The following SLC25A48 variants were observed in gnomAD, a reference collection of about 807,000 sequenced individuals.
SLC25A48 encodes CTC-321K16.1.
Under a neutral mutation model 32.2 loss-of-function variants are expected in SLC25A48, and 29 were observed. The observed-to-expected ratio is 0.90, with a 90% CI of 0.67 to 1.23. SLC25A48 has a LOEUF of 1.23. Among genes scored for constraint, SLC25A48 ranks in the 50% most tolerant of loss-of-function variants. SLC25A48 has a pLI of 0.00. For synonymous variants in SLC25A48, 164 were observed against 172.3 expected (o/e 0.95, Z 0.38); for missense variants, 399 against 422.7 (o/e 0.94, Z 0.49).
intron 3 of SLC25A48, among the ~76,000 whole-genome samples, chr5:135,744,627 G>T (rs990261183): frequency 2.6e-5 from 4 of 151,796 alleles, no homozygotes; most frequent in Non-Finnish European, 5.9e-5. Flanking sequence ...GTGAGCCACC[G>T]CACTTGGCCT....
In SLC25A48 at chr5:135,672,982, G is replaced by A. The variant is rs926767196; in HGVS notation, c.-521+38026G>A. ...AATTTTTAATAAATGAGATCATACA[G>A]TATATATATTTATTTATCTGGCTTC... On this transcript the variant is annotated intron_variant, in intron 3 of 10. Coordinates refer to the SLC25A48 transcript ENST00000646290. 2.0e-5 allele frequency among the ~76,000 whole-genome samples: 3 copies of A among 152,146 alleles called. No homozygotes were observed. The South Asian group carries it at 6.2e-4, about 32-fold the overall frequency.
intron 3 of SLC25A48, among the ~76,000 whole-genome samples, chr5:135,645,112 A>G (rs1752929267): frequency 6.6e-6 from 1 of 152,220 alleles, no homozygotes; most frequent in African/African-American, 2.4e-5. Flanking sequence ...CTCTCAGCCA[A>G]TTAAATGGCG....
intron 1 of SLC25A48, among the ~76,000 whole-genome samples, chr5:135,613,543 T>A (rs1752120725): frequency 6.6e-6 from 1 of 152,188 alleles, no homozygotes; most frequent in African/African-American, 2.4e-5. Context: ...TTTCTTCCAG[T>A]GGTATTATAG....
chr5:135,746,801 T>A (rs961045549), intron 3 of SLC25A48, among the ~76,000 whole-genome samples: 1 of 152,172 alleles, frequency 6.6e-6, no homozygotes, highest in African/African-American at 2.4e-5. Flanking sequence ...CTAGATTCAC[T>A]CATTGCCTGG....
At chr5:135,627,078 T>G (rs1224442843) in intron 1 of SLC25A48, among the ~76,000 whole-genome samples, 3 of 151,428 alleles carry the variant, frequency 2.0e-5, no homozygotes, top group Non-Finnish European at 4.4e-5. Flanking sequence ...GGGAGGGAGG[T>G]GCTTATTGTG....
intron 1 of SLC25A48, among the ~76,000 whole-genome samples, chr5:135,624,853 G>A (rs1033309084): frequency 2.0e-5 from 3 of 152,212 alleles, no homozygotes; most frequent in Non-Finnish European, 2.9e-5. Context: ...CAACAGATCC[G>A]ATTTGTGGAA....
intron 1 of SLC25A48, among the ~76,000 whole-genome samples, chr5:135,617,906 G>A (rs1306493713): frequency 6.6e-6 from 1 of 151,872 alleles, no homozygotes; most frequent in African/African-American, 2.4e-5. Context: ...CTGATGAGGA[G>A]AATGTTCTTT....
At chr5:135,753,658 C>T (rs1314958769) in intron 3 of SLC25A48, among the ~76,000 whole-genome samples, 6 of 151,748 alleles carry the variant, frequency 4.0e-5, no homozygotes, top group Non-Finnish European at 8.8e-5. Context: ...AGTCATATCT[C>T]GAGGATATTA....
intron 3 of SLC25A48, among the ~76,000 whole-genome samples, chr5:135,681,824 C>T (rs1012030558): frequency 3.9e-5 from 6 of 152,134 alleles, no homozygotes; most frequent in Non-Finnish European, 5.9e-5. Context: ...AGGCAATGCC[C>T]TCTGAATGTG....
chr5:135,682,063 T>C (rs536011082), intron 3 of SLC25A48, among the ~76,000 whole-genome samples: 15 of 152,344 alleles, frequency 9.8e-5, no homozygotes, highest in African/African-American at 3.6e-4. Flanking sequence ...TTCTCTCCTC[T>C]CTGGTACTCT....
At chr5:135,833,723 G>A (rs1758296205), upstream of SLC25A48, among the ~76,000 whole-genome samples, 1 of 152,196 alleles carries the variant, frequency 6.6e-6, no homozygotes. Context: ...GGCAGGGGAG[G>A]GAGTGATGCT....
At chr5:135,655,910 T>A (rs1753235155) in intron 3 of SLC25A48, among the ~76,000 whole-genome samples, 1 of 152,050 alleles carries the variant, frequency 6.6e-6, no homozygotes, top group Non-Finnish European at 1.5e-5. Flanking sequence ...GGGAGGGGGG[T>A]CTGGAGCAAT....
chr5:135,829,462 G>C (rs1292551534), intron 4 of SLC25A48, among the ~76,000 whole-genome samples: 1 of 152,176 alleles, frequency 6.6e-6, no homozygotes, highest in Non-Finnish European at 1.5e-5. Flanking sequence ...TTTTCAAGCT[G>C]ATATCGCCGC....
Position 135,888,237 on chromosome 5 carries a change from C to A in SLC25A48, c.*213C>A, listed in dbSNP as rs923592093. ...TTCAAGCCCTCCAAGGTTCTGATCC[C>A]CAATGCCCACTCTGCTAGGCTGGCA... On this transcript the variant is annotated 3_prime_UTR_variant, in exon 8 of 8. Transcript: ENST00000681962. The A allele has an allele frequency of 4.4e-5, 27 of 610,780 alleles. No individual in the cohort carries two copies. In the African/African-American group the frequency reaches 4.4e-4, roughly 10 times the overall value. The allele number at this position is 610,780 out of a possible 1,614,324, so 37.8% of individuals were successfully genotyped here. A position where few individuals can be genotyped will look rare whatever the true frequency, so the allele number is the denominator to read the frequency against.
At chr5:135,788,139 T>C (rs10900836) in intron 3 of SLC25A48, among the ~76,000 whole-genome samples, 101,143 of 150,254 alleles carry the variant, frequency 0.67, 36,280 homozygotes, top group Non-Finnish European at 0.81. Flanking sequence ...TACATTCCCC[T>C]GGCATATGGT....
At chr5:135,714,934 A>C (rs1451887619) in intron 3 of SLC25A48, 1 of 152,486 alleles carries the variant, frequency 6.6e-6, no homozygotes, top group Non-Finnish European at 1.5e-5. Flanking sequence ...TCTGTGGGCA[A>C]TGACATGGAG....
intron 7 of SLC25A48, among the ~76,000 whole-genome samples, chr5:135,886,135 A>AT (rs565054216): frequency 1.4e-4 from 21 of 152,170 alleles, no homozygotes; most frequent in African/African-American, 4.1e-4. Flanking sequence ...TAATGTTTTA[A>AT]TTTTTTTACA....
At chr5:135,768,157 C>A (rs1310795272) in intron 3 of SLC25A48, among the ~76,000 whole-genome samples, 43 of 133,736 alleles carry the variant, frequency 3.2e-4, no homozygotes, top group Admixed American at 3.2e-3. Flanking sequence ...GGGGTGTACA[C>A]CCACTGCGAT....
chr5:135,765,959 A>G (rs1756208174), intron 3 of SLC25A48, among the ~76,000 whole-genome samples: 1 of 151,414 alleles, frequency 6.6e-6, no homozygotes, highest in South Asian at 2.1e-4. Flanking sequence ...CGTGGATTGC[A>G]TACATCCCCC....
Sources: allele counts gnomAD v4.1 joint callset (sites outside exome capture counted in the v4.1 genomes callset), GRCh38; gene constraint gnomAD v4.1.1; transcripts MANE v1.5; gene names NCBI Gene and HGNC (gene_info 2026-07-23, HGNC 2026-07-21).